The following HHATL variants were observed in gnomAD, a reference collection of about 807,000 sequenced individuals.
HHATL encodes the protein protein-cysteine N-palmitoyltransferase HHAT-like protein.
HHATL carries 49 observed loss-of-function variants against 59.7 expected under a neutral mutation model. The ratio of observed to expected loss-of-function variants is 0.82; its 90% CI spans 0.65 to 1.04. The LOEUF is 1.04. Among genes scored for constraint, HHATL ranks in the 50% least tolerant of loss-of-function variants. The probability of loss-of-function intolerance (pLI) is 0.00; values close to 1 mark genes in which losing one functional copy is unlikely to be tolerated. For missense variants in HHATL, 605 were observed against 650.8 expected, an observed-to-expected ratio of 0.93 and a Z score of 0.77; for synonymous variants, 238 against 257.3, an observed-to-expected ratio of 0.93 and a Z score of 0.72.
Position 42,698,735 on chromosome 3 carries a change from G to A in HHATL, c.456C>T (p.Phe152=). ...LGLGLASLAS[F]KMDPLISWQS... is the part of the protein sequence containing the mutation. Reference sequence around the variant, plus strand: ...GCCAAGAGATTAGGGGGTCCATCTTGAAGGAGGCCAGGCTGGCCAAGCCAA... The same window carrying A: ...GCCAAGAGATTAGGGGGTCCATCTTAAAGGAGGCCAGGCTGGCCAAGCCAA... Residue 152 remains phenylalanine, a synonymous_variant, in exon 5 of 12, where the codon TTC becomes TTT. Transcript: ENST00000441594. 1 of 1,588,608 alleles carries A rather than the reference G, an allele frequency of 6.3e-7. No individual in the cohort carries two copies. The highest frequency in any genetic ancestry group is 8.5e-7 in the Non-Finnish European group (1 of 1,170,748).
intron 5 of HHATL, 135 bp downstream of exon 5, chr3:42,698,573 G>T: frequency 8.8e-7 from 1 of 1,135,786 alleles, no homozygotes; most frequent in South Asian, 1.5e-5. Context: ...CTTGTGGCCA[G>T]GACATACCCA....
chr3:42,698,907 G>A lies in HHATL; in HGVS notation c.289-5C>T, dbSNP rs1697786260. ...AGCATACATCCAGGAGCGGAGCTGT[G>A]GGCAGGGAGAAGGCTTCAGTTTCGC... On this transcript the variant is annotated splice_region_variant and splice_polypyrimidine_tract_variant and intron_variant, in intron 4 of 11. Coordinates refer to ENST00000441594, the MANE Select transcript of HHATL (RefSeq NM_020707.4). 19 of 1,604,794 alleles carry A rather than the reference G, an allele frequency of 1.2e-5. No homozygotes were observed. The highest frequency in any genetic ancestry group is 1.5e-5 in the Non-Finnish European group (18 of 1,174,568).
chr3:42,698,012 C>T (rs1280854666), intron 6 of HHATL, 130 bp downstream of exon 6: 29 of 994,908 alleles, frequency 2.9e-5, no homozygotes, highest in South Asian at 4.6e-5. Flanking sequence ...AGGGGAGACA[C>T]GGCTTCATCC....
Position 42,693,625 on chromosome 3 carries a change from G to T in HHATL, c.1240C>A (p.Arg414=). 6.2e-7 allele frequency: 1 copy of T among 1,613,854 alleles called. No individual in the cohort carries two copies. The highest frequency in any genetic ancestry group is 1.1e-5 in the South Asian group (1 of 91,034). ...AGGTCTTCCCTGCTCACCTCAATTC[G>T]TGCTAGGGGCCCCCACTCTGCCAGT... The part of the protein sequence containing the change: ...QKLAEWGPLA[R]IEASLSVQMS... The change falls in exon 10 of 12, where the codon CGA becomes AGA. Residue 414 remains arginine, a synonymous_variant. Coordinates refer to ENST00000441594, the MANE Select transcript of HHATL (RefSeq NM_020707.4).
chr3:42,693,810 T>A lies in HHATL; in HGVS notation c.1055A>T (p.Tyr352Phe). ...GINDWLCKYV[Y>F]NHIGGEHSAV... ...GGAATGCTCCCCACCAATGTGGTTA[T>A]ACACATATCTGCAGGAAAGATGGGA... Residue 352 changes from tyrosine (Y) to phenylalanine (F), a missense_variant, in exon 10 of 12, where the codon TAT becomes TTT. By Grantham distance (22) the Tyr-to-Phe change is conservative. Transcript: ENST00000441594. 6.2e-7 allele frequency: 1 copy of A among 1,613,526 alleles called. No homozygotes were observed. Among genetic ancestry groups the A allele is most frequent in the Non-Finnish European group, 8.5e-7 (1 of 1,179,824 alleles).
chr3:42,698,927 T>A (rs1697788091), intron 4 of HHATL, 25 bp from the exon 5 acceptor site: 1 of 1,604,068 alleles, frequency 6.2e-7, no homozygotes, highest in Non-Finnish European at 8.5e-7. Context: ...AAGGCTTCAG[T>A]TTCGCCATAT....
rs781454678 is a variant in HHATL, at chr3:42,692,886, A to G, written c.1391-11T>C. On this transcript the variant is annotated splice_polypyrimidine_tract_variant and intron_variant, in intron 11 of 11. Coordinates refer to ENST00000441594, the MANE Select transcript of HHATL (RefSeq NM_020707.4). Reference sequence around the variant, plus strand: ...TGGTCTGGGGGAACCCTGTGTGGGGAGGGAGTCATAGATGCTCAGGAGCAG... The same window carrying G: ...TGGTCTGGGGGAACCCTGTGTGGGGGGGGAGTCATAGATGCTCAGGAGCAG... The G allele has an allele frequency of 4.2e-5, 67 of 1,613,342 alleles. 1 individual carries two copies. The highest frequency in any genetic ancestry group is 5.6e-5 in the Non-Finnish European group (66 of 1,179,424).
chr3:42,694,530 T>C (rs1697515884), intron 9 of HHATL, among the ~76,000 whole-genome samples: 1 of 152,226 alleles, frequency 6.6e-6, no homozygotes, highest in African/African-American at 2.4e-5. Context: ...CCTCTCTGAA[T>C]AGCTCCCCAT....
Position 42,693,169 on chromosome 3 carries a change from G to A in HHATL, c.1298C>T (p.Ala433Val), listed in dbSNP as rs1443653544. 1 of 1,614,166 alleles carries A rather than the reference G, an allele frequency of 6.2e-7. No homozygotes were observed. Among genetic ancestry groups the A allele is most frequent in the Admixed American group, 1.7e-5 (1 of 60,018 alleles). ...CATGATGATGGCCCAGAAGTTCATG[G>A]CTCCAAACAGGGCCCGGACCCTACG... is the stretch of plus-strand genomic sequence containing the variant. ...MSRRVRALFG[A>V]MNFWAIIMYN... is the part of the protein sequence containing the mutation. The change falls in exon 11 of 12, where the codon GCC (alanine) becomes GTC (valine). Residue 433 changes from alanine (A) to valine (V), a missense_variant. Physicochemically the swap from Ala to Val is moderately conservative, Grantham distance 64. Coordinates refer to ENST00000441594, the MANE Select transcript of HHATL (RefSeq NM_020707.4).
chr3:42,693,234 A>G lies in HHATL; in HGVS notation c.1249-16T>C, dbSNP rs1697431943. ...ACAGAGAGGCCTATCCGGTCCAGGA[A>G]AGCATGGGCAGCGGGACAAGAGGCC... On this transcript the variant is annotated splice_polypyrimidine_tract_variant and intron_variant, in intron 10 of 11. Coordinates refer to ENST00000441594, the MANE Select transcript of HHATL (RefSeq NM_020707.4). The G allele has an allele frequency of 1.2e-6, 2 of 1,612,530 alleles. No individual in the cohort carries two copies. Among genetic ancestry groups the G allele is most frequent in the African/African-American group, 2.7e-5 (2 of 74,908 alleles).
chr3:42,697,382 G>T, intron 7 of HHATL, 126 bp downstream of exon 7: 1 of 1,180,524 alleles, frequency 8.5e-7, no homozygotes, highest in Admixed American at 2.2e-5. Context: ...ATAAGCCCCT[G>T]CTCCCACGCC....
chr3:42,696,920 A>AGCTC (rs746830607), intron 8 of HHATL, 43 bp from the exon 9 acceptor site: 1 of 1,614,084 alleles, frequency 6.2e-7, no homozygotes, highest in South Asian at 1.1e-5. Context: ...TCAGGCGCAG[A>AGCTC]GCTCCCCAGG....
chr3:42,699,394 G>C (rs767176991), intron 3 of HHATL, among the ~76,000 whole-genome samples: 1 of 152,118 alleles, frequency 6.6e-6, no homozygotes, highest in Admixed American at 6.5e-5. Context: ...AGGAAGTACC[G>C]AGGCAGGAGG....
chr3:42,701,375 C>T lies in HHATL; in HGVS notation c.-13-536G>A. 6.5e-6 allele frequency: 1 copy of T among 154,522 alleles called. No homozygotes were observed. Among genetic ancestry groups the T allele is most frequent in the Non-Finnish European group, 1.4e-5 (1 of 69,450 alleles). 9.6% of individuals were successfully genotyped at this position (154,522 alleles called of 1,614,324 possible). On this transcript the variant is annotated intron_variant, in intron 1 of 11. Transcript: ENST00000441594. The surrounding 1 kb of genome is among the most constrained non-coding windows in gnomAD (Gnocchi z 5.1). ...CCCAGGTGCTGCCCCTAGAGCCAAGCCTCCATCCTCGCATTAAGCCTCCAG... is the reference window on the plus strand; with the variant it reads ...CCCAGGTGCTGCCCCTAGAGCCAAGTCTCCATCCTCGCATTAAGCCTCCAG...
chr3:42,695,871 C>T (rs1286469048), intron 9 of HHATL, among the ~76,000 whole-genome samples: 1 of 152,148 alleles, frequency 6.6e-6, no homozygotes, highest in Admixed American at 6.5e-5. Context: ...ATCAATCACC[C>T]CTGTATCCTG....
At chr3:42,698,086 C>G (rs1697720311) in intron 6 of HHATL, 56 bp downstream of exon 6, 1 of 1,536,106 alleles carries the variant, frequency 6.5e-7, no homozygotes, top group Admixed American at 1.7e-5. Context: ...ATGGAAACCC[C>G]AATCTGAAAA....
At chr3:42,698,598 G>A in intron 5 of HHATL, 110 bp downstream of exon 5, 1 of 1,322,398 alleles carries the variant, frequency 7.6e-7, no homozygotes, top group Non-Finnish European at 1.0e-6. Flanking sequence ...CTTGAAGACA[G>A]GTGGAAAGTG....
Position 42,698,262 on chromosome 3 carries a change from T to G in HHATL, c.573A>C (p.Ala191=), listed in dbSNP as rs1274579639. 4 of 1,614,008 alleles carry G rather than the reference T, an allele frequency of 2.5e-6. No individual in the cohort carries two copies. ...SFTVLRCTSF[A]LESCAHPDRH... ...GGTCAGGGTGGGCACAGCTCTCCAG[T>G]GCAAAGCTGGTGCAACGCAGCACTG... The change falls in exon 6 of 12, where the codon GCA becomes GCC. Residue 191 remains alanine, a synonymous_variant. Transcript: ENST00000441594.
chr3:42,698,931 G>T, intron 4 of HHATL, 29 bp from the exon 5 acceptor site: 1 of 1,604,196 alleles, frequency 6.2e-7, no homozygotes, highest in Non-Finnish European at 8.5e-7. Context: ...CTTCAGTTTC[G>T]CCATATAAAT....
Sources: gnomAD v4.1 joint callset for allele counts (sites outside exome capture counted in the v4.1 genomes callset) on GRCh38, gnomAD v4.1.1 for gene constraint, Gnocchi (gnomAD v3.1) non-coding constraint, MANE v1.5 for transcripts, NCBI Gene and HGNC (gene_info 2026-07-23, HGNC 2026-07-21) for gene names.